Variants in HACD2 observed in about 807,000 individuals in gnomAD.
The protein encoded by HACD2 is 3-hydroxyacyl-CoA dehydratase 2, also known as very-long-chain (3R)-3-hydroxyacyl-CoA dehydratase 2.
A neutral mutation model predicts 31.0 loss-of-function variants in HACD2; 15 were observed. The ratio of observed to expected loss-of-function variants is 0.48; its 90% CI spans 0.32 to 0.75. The LOEUF (loss-of-function observed/expected upper bound fraction) is 0.75, where lower values mean the gene tolerates loss of function less well. Among genes scored for constraint, HACD2 ranks in the 30% least tolerant of loss-of-function variants. The pLI is 0.03. For synonymous variants in HACD2, 115 were observed against 122.2 expected (o/e 0.94, Z 0.39); for missense variants, 283 against 313.0 (o/e 0.90, Z 0.72).
intron 4 of HACD2, among the ~76,000 whole-genome samples, chr3:123,528,129 C>G (rs2056307485): frequency 6.6e-6 from 1 of 152,178 alleles, no homozygotes; most frequent in African/African-American, 2.4e-5. Flanking sequence ...CACATCCACA[C>G]CATCTGAACC....
intron 2 of HACD2, among the ~76,000 whole-genome samples, chr3:123,577,187 AG>A (rs1559936943): frequency 6.6e-6 from 1 of 152,228 alleles, no homozygotes; most frequent in Non-Finnish European, 1.5e-5. Flanking sequence ...GCACAATGGT[AG>A]GTAAATGTCA....
At position 123,494,674 on chromosome 3, in the gene HACD2, T is replaced by C. The variant is rs2055811274; in HGVS notation, c.*214A>G. ...AGAACTTCTGGTTGAAAGAGCATGC[T>C]GAAATGAACTGGCCAGGGTGTTTTA... On this transcript the variant is annotated 3_prime_UTR_variant, in exon 7 of 7. Coordinates refer to ENST00000383657, the MANE Select transcript of HACD2 (RefSeq NM_198402.5). 1 of 563,266 alleles carries C rather than the reference T, an allele frequency of 1.8e-6. No homozygotes were observed. The highest frequency in any genetic ancestry group is 3.1e-6 in the Non-Finnish European group (1 of 321,976). The allele number at this position is 563,266 out of a possible 1,614,324, so 34.9% of individuals were successfully genotyped here.
chr3:123,569,926 T>C lies in HACD2; in HGVS notation c.274-2146A>G, dbSNP rs755627557. 5.3e-5 allele frequency among the ~76,000 whole-genome samples: 7 copies of C among 133,052 alleles called. No individual in the cohort carries two copies. The East Asian group carries it at 1.2e-3, about 22-fold the overall frequency. The allele number at this position is 133,052 out of a possible 152,430, so 87.3% of individuals were successfully genotyped here. A position where few individuals can be genotyped will look rare whatever the true frequency, so the allele number is the denominator to read the frequency against. ...ATCGCTTGAACCCAGCAGACAGAGG[T>C]TGCAGTGAGCCGAGATTGCGCCACT... On this transcript the variant is annotated intron_variant, in intron 2 of 6. Transcript: ENST00000383657.
intron 2 of HACD2, among the ~76,000 whole-genome samples, chr3:123,578,962 C>T (rs950172987): frequency 2.6e-5 from 4 of 152,184 alleles, no homozygotes; most frequent in African/African-American, 9.6e-5. Flanking sequence ...CCTGCTCTAT[C>T]GCCCAGTCCA....
chr3:123,522,503 C>T (rs904585013), intron 4 of HACD2, among the ~76,000 whole-genome samples: 1 of 152,046 alleles, frequency 6.6e-6, no homozygotes, highest in Non-Finnish European at 1.5e-5. Flanking sequence ...CTGATTTTGC[C>T]AAAACCATCT....
At chr3:123,565,843 T>A (rs937562012) in intron 3 of HACD2, among the ~76,000 whole-genome samples, 2 of 152,158 alleles carry the variant, frequency 1.3e-5, no homozygotes, top group Non-Finnish European at 2.9e-5. Flanking sequence ...AAGGATAAAA[T>A]TTTTCATTTC....
chr3:123,502,713 C>T (rs749774166), intron 4 of HACD2, 32 bp from the exon 5 acceptor site: 6 of 1,569,190 alleles, frequency 3.8e-6, no homozygotes, highest in Non-Finnish European at 5.2e-6. Context: ...AGAAAAAAAA[C>T]ACACAGACAA....
At chr3:123,497,111 C>A (rs2055842764) in intron 6 of HACD2, among the ~76,000 whole-genome samples, 1 of 152,216 alleles carries the variant, frequency 6.6e-6, no homozygotes, top group Non-Finnish European at 1.5e-5. Flanking sequence ...TGGCTTCTGG[C>A]TGACCAGAAC....
chr3:123,569,833 C>T lies in HACD2; in HGVS notation c.274-2053G>A, dbSNP rs141764670. ...TGAAACCCCATCTCTACTAAAAATA[C>T]AAAAAATTAGCTGGGCATAGTGGCG... On this transcript the variant is annotated intron_variant, in intron 2 of 6. Transcript: ENST00000383657. 2.9e-3 allele frequency among the ~76,000 whole-genome samples: 438 copies of T among 151,610 alleles called. 1 individual carries two copies. The highest frequency in any genetic ancestry group is 5.0e-3 in the Non-Finnish European group (336 of 67,832).
chr3:123,525,016 T>A (rs1380388020), intron 4 of HACD2, among the ~76,000 whole-genome samples: 1 of 152,158 alleles, frequency 6.6e-6, no homozygotes, highest in African/African-American at 2.4e-5. Context: ...CTATAACATA[T>A]CAAACAAAAA....
At chr3:123,523,741 C>T (rs1401976945) in intron 4 of HACD2, among the ~76,000 whole-genome samples, 7 of 152,204 alleles carry the variant, frequency 4.6e-5, no homozygotes, top group Non-Finnish European at 1.0e-4. Context: ...GAACTGATCT[C>T]CCTGACAGCT....
intron 6 of HACD2, among the ~76,000 whole-genome samples, chr3:123,496,944 A>T (rs1170062329): frequency 1.3e-5 from 2 of 152,202 alleles, no homozygotes; most frequent in Non-Finnish European, 2.9e-5. Context: ...GCAGACCTTC[A>T]TTTCCATGGG....
chr3:123,552,839 C>T (rs1164449734), intron 3 of HACD2, among the ~76,000 whole-genome samples: 3 of 150,664 alleles, frequency 2.0e-5, no homozygotes, highest in Non-Finnish European at 3.0e-5. Context: ...TTCAAAGCAC[C>T]CAAAGGAGAA....
chr3:123,580,924 C>G (rs2056959463), intron 2 of HACD2, among the ~76,000 whole-genome samples: 1 of 145,116 alleles, frequency 6.9e-6, no homozygotes, highest in African/African-American at 2.6e-5. Flanking sequence ...GGCGTGATCT[C>G]AGCTCACTGC....
chr3:123,551,857 A>C (rs1272261925), intron 3 of HACD2, among the ~76,000 whole-genome samples: 1 of 152,214 alleles, frequency 6.6e-6, no homozygotes, highest in East Asian at 1.9e-4. Context: ...AAAAATCACA[A>C]TATATCTATA....
intron 4 of HACD2, among the ~76,000 whole-genome samples, chr3:123,523,403 T>A (rs192132551): frequency 1.5e-4 from 23 of 152,330 alleles, no homozygotes; most frequent in African/African-American, 4.8e-4. Context: ...TCTCTCTCGA[T>A]AACTGCCACC....
At chr3:123,536,556 C>T (rs1302427430) in intron 3 of HACD2, among the ~76,000 whole-genome samples, 12 of 152,098 alleles carry the variant, frequency 7.9e-5, no homozygotes, top group South Asian at 2.1e-4. Flanking sequence ...TCCCCAACGA[C>T]GGGGATGCAA....
At chr3:123,581,053 C>T (rs1371125425) in intron 2 of HACD2, among the ~76,000 whole-genome samples, 1 of 152,020 alleles carries the variant, frequency 6.6e-6, no homozygotes, top group Non-Finnish European at 1.5e-5. Context: ...ATCTCCTGAC[C>T]TCGTGATCCA....
chr3:123,535,826 A>G (rs1317335396), intron 3 of HACD2, among the ~76,000 whole-genome samples: 3 of 152,202 alleles, frequency 2.0e-5, no homozygotes, highest in Non-Finnish European at 4.4e-5. Context: ...TAAATCTCAG[A>G]ACAGAAAGCA....
Sources: gnomAD v4.1 joint callset for allele counts (sites outside exome capture counted in the v4.1 genomes callset) on GRCh38, gnomAD v4.1.1 for gene constraint, MANE v1.5 for transcripts, NCBI Gene and HGNC (gene_info 2026-07-23, HGNC 2026-07-21) for gene names.